NRXN1: variants seen among roughly 807,000 people sequenced by gnomAD.
NRXN1 encodes neurexin-1.
NRXN1 carries 39 observed loss-of-function variants against 150.9 expected under a neutral mutation model. That is an observed-to-expected ratio of 0.26 (90% CI 0.20 to 0.34). The LOEUF is 0.34. NRXN1 is among the 10% of genes least tolerant of loss of function. The pLI is 1.00. For missense variants in NRXN1, 1,815 were observed against 1,949.9 expected, an observed-to-expected ratio of 0.93 and a Z score of 1.30; for synonymous variants, 924 against 757.0, an observed-to-expected ratio of 1.22 and a Z score of -3.62.
At chr2:50,330,334 C>G (rs534442287) in intron 17 of NRXN1, among the ~76,000 whole-genome samples, 1 of 152,096 alleles carries the variant, frequency 6.6e-6, no homozygotes, top group Non-Finnish European at 1.5e-5. Flanking sequence ...TCACTAATAA[C>G]CAATGTTATC....
intron 17 of NRXN1, among the ~76,000 whole-genome samples, chr2:50,307,760 G>C (rs1452382400): frequency 6.6e-6 from 1 of 152,034 alleles, no homozygotes; most frequent in African/African-American, 2.4e-5. Context: ...CCATTGAAAT[G>C]ACTCATGAAT....
Position 50,346,736 on chromosome 2 carries a change from G to A in NRXN1, c.3365-109766C>T. 2 of 1,613,912 alleles carry A rather than the reference G, an allele frequency of 1.2e-6. No homozygotes were observed. The highest frequency in any genetic ancestry group is 8.5e-7 in the Non-Finnish European group (1 of 1,179,948). The stretch of plus-strand genomic sequence containing the variant: ...GCCGGTGACCTGTAGATTGCAATAG[G>A]CACTGAATGATGCTTGCTGCTGCCA... On this transcript the variant is annotated intron_variant, in intron 17 of 22. Coordinates refer to ENST00000401669, the MANE Select transcript of NRXN1 (RefSeq NM_001330078.2). The surrounding 1 kb of genome is among the most constrained non-coding windows in gnomAD (Gnocchi z 5.0).
At chr2:50,931,906 G>C (rs1200123009) in intron 2 of NRXN1, among the ~76,000 whole-genome samples, 1 of 151,728 alleles carries the variant, frequency 6.6e-6, no homozygotes, top group Non-Finnish European at 1.5e-5. Context: ...CTGTTGCCAA[G>C]ACTGGAGTGC....
intron 21 of NRXN1, among the ~76,000 whole-genome samples, chr2:49,960,294 C>G (rs188740800): frequency 5.9e-5 from 9 of 152,256 alleles, no homozygotes; most frequent in Admixed American, 5.2e-4. Context: ...ATCTGTGTTG[C>G]TTATAGCAAC....
intron 5 of NRXN1, among the ~76,000 whole-genome samples, chr2:50,707,750 G>A (rs971837320): frequency 2.0e-5 from 3 of 152,174 alleles, no homozygotes; most frequent in South Asian, 2.1e-4. Flanking sequence ...GTACTCATAC[G>A]GAAGAGCATA....
At chr2:50,944,006 C>CT (rs1689916284) in intron 2 of NRXN1, among the ~76,000 whole-genome samples, 1 of 152,146 alleles carries the variant, frequency 6.6e-6, no homozygotes, top group African/African-American at 2.4e-5. Context: ...TCTTGCATCT[C>CT]TGATAAAATC....
rs1697026937 is a variant in NRXN1, at chr2:50,724,193, T to C, written c.833-100578A>G. Among the ~76,000 whole-genome samples the C allele has an allele frequency of 3.3e-5, 5 of 150,162 alleles. No individual in the cohort carries two copies. In the South Asian group the frequency reaches 1.1e-3, roughly 32 times the overall value. On this transcript the variant is annotated intron_variant, in intron 5 of 22. Coordinates refer to ENST00000401669, the MANE Select transcript of NRXN1 (RefSeq NM_001330078.2). The stretch of plus-strand genomic sequence containing the variant: ...AGTCAAGCTGTCTCCTGGGTCTTAA[T>C]AGTATCTGATCCAGAAAAGAAAAAA...
intron 18 of NRXN1, among the ~76,000 whole-genome samples, chr2:50,180,706 T>C (rs960123235): frequency 6.6e-6 from 1 of 152,124 alleles, no homozygotes; most frequent in Non-Finnish European, 1.5e-5. Context: ...TGCTGGAGCT[T>C]TGGTCTTGAA....
intron 18 of NRXN1, among the ~76,000 whole-genome samples, chr2:50,217,348 G>A (rs1288055116): frequency 1.3e-5 from 2 of 152,014 alleles, no homozygotes; most frequent in Non-Finnish European, 2.9e-5. Context: ...TATCAGAGCT[G>A]TGGGAGAATA....
intron 8 of NRXN1, among the ~76,000 whole-genome samples, chr2:50,584,664 G>C (rs990905672): frequency 1.3e-5 from 2 of 152,128 alleles, no homozygotes; most frequent in Non-Finnish European, 1.5e-5. Flanking sequence ...CATAGTTTAA[G>C]GGTTCTGTTA....
chr2:50,690,970 G>A (rs1691990742), intron 5 of NRXN1, among the ~76,000 whole-genome samples: 1 of 152,164 alleles, frequency 6.6e-6, no homozygotes, highest in African/African-American at 2.4e-5. Context: ...ATTAAGCTGA[G>A]TGTTAAATTT....
chr2:50,091,910 C>T (rs1035359893), intron 18 of NRXN1, among the ~76,000 whole-genome samples: 1 of 152,116 alleles, frequency 6.6e-6, no homozygotes, highest in Non-Finnish European at 1.5e-5. Context: ...TGTTTAGAGC[C>T]CATTGACAAA....
At chr2:51,012,006 A>T (rs1667952535) in intron 2 of NRXN1, among the ~76,000 whole-genome samples, 1 of 152,116 alleles carries the variant, frequency 6.6e-6, no homozygotes, top group East Asian at 1.9e-4. Context: ...AACTAGTCAC[A>T]CTGGATATTC....
At chr2:50,540,815 T>C (rs1380242567) in intron 9 of NRXN1, among the ~76,000 whole-genome samples, 1 of 152,054 alleles carries the variant, frequency 6.6e-6, no homozygotes, top group Non-Finnish European at 1.5e-5. Flanking sequence ...GTGTACGCCA[T>C]CACAGCCAAC....
In NRXN1 at chr2:50,904,708, AT is replaced by A. The variant is rs1683426815; in HGVS notation, c.832+17160del. Among the ~76,000 whole-genome samples, 3 of 152,084 alleles carry A rather than the reference AT, an allele frequency of 2.0e-5. No individual in the cohort carries two copies. In the South Asian group the frequency reaches 6.2e-4, roughly 32 times the overall value. On this transcript the variant is annotated intron_variant, in intron 5 of 22. Transcript: ENST00000401669. ...ACTAATCTGTATTTTATCTAGATAC[AT>A]AATATTTTTGCTGAGTTGAAATAAA...
intron 21 of NRXN1, among the ~76,000 whole-genome samples, chr2:49,949,832 A>T (rs1213111713): frequency 6.6e-6 from 1 of 151,876 alleles, no homozygotes; most frequent in East Asian, 1.9e-4. Flanking sequence ...GTGCTGGCTG[A>T]AATATGATAT....
At position 50,683,558 on chromosome 2, in the gene NRXN1, G is replaced by A. The variant is rs1476321114; in HGVS notation, c.833-59943C>T. Among the ~76,000 whole-genome samples, 4 of 142,244 alleles carry A rather than the reference G, an allele frequency of 2.8e-5. No homozygotes were observed. In the East Asian group the frequency reaches 8.6e-4, roughly 31 times the overall value. The allele number at this position is 142,244 out of a possible 152,430, so 93.3% of individuals were successfully genotyped here. A position where few individuals can be genotyped will look rare whatever the true frequency, so the allele number is the denominator to read the frequency against. ...GAGACAGGATAATGGTGTGAACCCG[G>A]GAGGCAGACTGTGCAGTGAACCAAG... On this transcript the variant is annotated intron_variant, in intron 5 of 22. Coordinates refer to ENST00000401669, the MANE Select transcript of NRXN1 (RefSeq NM_001330078.2).
At chr2:50,416,757 C>T (rs548419769) in intron 17 of NRXN1, among the ~76,000 whole-genome samples, 110 of 151,710 alleles carry the variant, frequency 7.3e-4, no homozygotes, top group African/African-American at 2.5e-3. Context: ...ACCATCAGAT[C>T]GTGTGAGAAC....
chr2:50,169,517 A>T (rs1307066315), intron 18 of NRXN1, among the ~76,000 whole-genome samples: 2 of 152,160 alleles, frequency 1.3e-5, no homozygotes, highest in Non-Finnish European at 2.9e-5. Flanking sequence ...GTTCGAGACC[A>T]GTCTGGCCAA....
Sources: allele counts gnomAD v4.1 joint callset (sites outside exome capture counted in the v4.1 genomes callset), GRCh38; gene constraint gnomAD v4.1.1; non-coding constraint Gnocchi (gnomAD v3.1); transcripts MANE v1.5; gene names NCBI Gene and HGNC (gene_info 2026-07-23, HGNC 2026-07-21).